The following PAPPA2 variants were observed in gnomAD, a reference collection of about 807,000 sequenced individuals.
PAPPA2 encodes pappalysin 2.
A neutral mutation model predicts 176.4 loss-of-function variants in PAPPA2; 86 were observed. The observed-to-expected ratio is 0.49, with a 90% CI of 0.41 to 0.58. The LOEUF (loss-of-function observed/expected upper bound fraction) is 0.58. Among genes scored for constraint, PAPPA2 ranks in the 20% least tolerant of loss-of-function variants. The pLI, the probability that PAPPA2 is intolerant of heterozygous loss-of-function variation, is 0.00. For missense variants in PAPPA2, 2,073 were observed against 2,256.9 expected, an observed-to-expected ratio of 0.92 and a Z score of 1.65; for synonymous variants, 809 against 852.2, an observed-to-expected ratio of 0.95 and a Z score of 0.88.
chr1:176,742,419 A>G (rs888635315), intron 14 of PAPPA2, among the ~76,000 whole-genome samples: 1 of 152,292 alleles, frequency 6.6e-6, no homozygotes, highest in Admixed American at 6.5e-5. Context: ...TACTGCCGCT[A>G]GTTCTTCACT....
At chr1:176,758,262 C>T (rs1011137812) in intron 14 of PAPPA2, among the ~76,000 whole-genome samples, 1 of 152,192 alleles carries the variant, frequency 6.6e-6, no homozygotes, top group Non-Finnish European at 1.5e-5. Context: ...AGCATTGGTC[C>T]TCCCAAGAAG....
At chr1:176,606,799 A>G (rs914521984) in intron 3 of PAPPA2, among the ~76,000 whole-genome samples, 1 of 152,168 alleles carries the variant, frequency 6.6e-6, no homozygotes, top group Admixed American at 6.5e-5. Flanking sequence ...GAGAGCAGAA[A>G]GAAGAGTTTG....
intron 21 of PAPPA2, among the ~76,000 whole-genome samples, chr1:176,816,109 CT>C (rs1221297744): frequency 7.5e-6 from 1 of 134,128 alleles, no homozygotes; most frequent in Non-Finnish European, 1.6e-5. Flanking sequence ...TTTCCTTTGG[CT>C]TATTGATTGT....
At chr1:176,764,518 T>C (rs915607552) in intron 14 of PAPPA2, among the ~76,000 whole-genome samples, 3 of 151,930 alleles carry the variant, frequency 2.0e-5, no homozygotes, top group Non-Finnish European at 2.9e-5. Flanking sequence ...CCAGAGAGCC[T>C]GAGGCTAATG....
intron 6 of PAPPA2, among the ~76,000 whole-genome samples, 186 bp from the exon 7 acceptor site, chr1:176,695,552 G>A (rs746528338): frequency 6.6e-6 from 1 of 152,070 alleles, no homozygotes; most frequent in Non-Finnish European, 1.5e-5. Context: ...TCATGTCACT[G>A]AATTTTGCAA....
intron 12 of PAPPA2, among the ~76,000 whole-genome samples, chr1:176,716,231 CTTTTTTT>C (rs371904164): frequency 4.5e-5 from 6 of 133,226 alleles, no homozygotes; most frequent in African/African-American, 1.4e-4. Context: ...TAACCTCTTT[CTTTTTTT>C]TTTTTTTTTT....
intron 9 of PAPPA2, among the ~76,000 whole-genome samples, chr1:176,703,022 C>T (rs990933875): frequency 2.0e-5 from 3 of 151,994 alleles, no homozygotes; most frequent in East Asian, 1.9e-4. Context: ...GTATTGAGGC[C>T]GATTATCTGG....
intron 14 of PAPPA2, among the ~76,000 whole-genome samples, chr1:176,749,051 G>A (rs1281340538): frequency 8.3e-5 from 1 of 12,108 alleles, no homozygotes; most frequent in Non-Finnish European, 1.9e-4. Context: ...TTGAGAGTTA[G>A]CAGTTTTGAT....
chr1:176,523,990 A>C (rs1649339838), intron 1 of PAPPA2, among the ~76,000 whole-genome samples: 1 of 152,206 alleles, frequency 6.6e-6, no homozygotes, highest in East Asian at 1.9e-4. Flanking sequence ...GTGATGTTTT[A>C]GACCCTGTAA....
intron 15 of PAPPA2, among the ~76,000 whole-genome samples, chr1:176,767,181 A>G (rs1664012707): frequency 6.6e-6 from 1 of 152,204 alleles, no homozygotes; most frequent in African/African-American, 2.4e-5. Flanking sequence ...AAAAGAATGG[A>G]AAAAAATGCA....
At chr1:176,549,706 G>A (rs555905334) in intron 1 of PAPPA2, among the ~76,000 whole-genome samples, 51 of 152,128 alleles carry the variant, frequency 3.4e-4, no homozygotes, top group Non-Finnish European at 5.6e-4. Context: ...GAGAGTTCAG[G>A]CACAGAGCAG....
chr1:176,827,373 T>C (rs1253345605), intron 21 of PAPPA2, among the ~76,000 whole-genome samples: 1 of 152,220 alleles, frequency 6.6e-6, no homozygotes, highest in Admixed American at 6.5e-5. Flanking sequence ...GCATCATTAA[T>C]ATTTGAAAGA....
chr1:176,782,064 G>C (rs1664743934), intron 17 of PAPPA2, among the ~76,000 whole-genome samples: 1 of 152,210 alleles, frequency 6.6e-6, no homozygotes, highest in Admixed American at 6.5e-5. Flanking sequence ...TAAGTGAAGA[G>C]AGGTAATTTA....
chr1:176,534,480 T>C (rs957662995), intron 1 of PAPPA2, among the ~76,000 whole-genome samples: 1 of 152,190 alleles, frequency 6.6e-6, no homozygotes, highest in Non-Finnish European at 1.5e-5. Flanking sequence ...AGGAAAAGAA[T>C]GTATTGTAAG....
At chr1:176,519,735 A>G (rs1383623975) in intron 1 of PAPPA2, among the ~76,000 whole-genome samples, 1 of 152,190 alleles carries the variant, frequency 6.6e-6, no homozygotes, top group African/African-American at 2.4e-5. Flanking sequence ...AGAAGCCAAG[A>G]TATGGTGATT....
chr1:176,726,744 G>A (rs974493877), intron 12 of PAPPA2, among the ~76,000 whole-genome samples: 6 of 152,132 alleles, frequency 3.9e-5, no homozygotes, highest in Non-Finnish European at 7.4e-5. Context: ...GGTTGGATTT[G>A]GATTCTCTAG....
chr1:176,719,391 A>T (rs1661517000), intron 12 of PAPPA2, among the ~76,000 whole-genome samples: 1 of 152,160 alleles, frequency 6.6e-6, no homozygotes, highest in African/African-American at 2.4e-5. Context: ...TACTTTAAAC[A>T]TTGTTTGCCT....
intron 4 of PAPPA2, among the ~76,000 whole-genome samples, chr1:176,679,110 C>T (rs1558514226): frequency 6.6e-6 from 1 of 152,124 alleles, no homozygotes; most frequent in Admixed American, 6.6e-5. Flanking sequence ...CCTGCACTCT[C>T]ATGGTAAACA....
intron 21 of PAPPA2, among the ~76,000 whole-genome samples, chr1:176,822,705 C>G (rs763747894): frequency 5.5e-4 from 83 of 152,106 alleles, no homozygotes; most frequent in Non-Finnish European, 1.1e-3. Flanking sequence ...ATGGTTCACT[C>G]CTTAATTTGT....
Sources: gnomAD v4.1 joint callset for allele counts (sites outside exome capture counted in the v4.1 genomes callset) on GRCh38, gnomAD v4.1.1 for gene constraint, MANE v1.5 for transcripts, NCBI Gene and HGNC (gene_info 2026-07-23, HGNC 2026-07-21) for gene names.